The following METTL3 variants were observed in gnomAD, a reference collection of about 807,000 sequenced individuals.
METTL3 encodes methyltransferase 3, N6-adenosine-methyltransferase complex catalytic subunit.
A neutral mutation model predicts 64.3 loss-of-function variants in METTL3; 42 were observed. That is an observed-to-expected ratio of 0.65 (90% CI 0.51 to 0.84). The LOEUF (loss-of-function observed/expected upper bound fraction) is 0.84. METTL3 is among the 40% of genes least tolerant of loss of function. METTL3 has a pLI of 0.00. For missense variants in METTL3, 435 were observed against 722.3 expected (o/e 0.60, Z 4.56); for synonymous variants, 256 against 263.6 (o/e 0.97, Z 0.28).
intron 4 of METTL3, 30 bp from the exon 5 acceptor site, chr14:21,501,159 G>A: frequency 6.5e-7 from 1 of 1,540,234 alleles, no homozygotes; most frequent in Non-Finnish European, 9.0e-7. Context: ...GAATCAAGAT[G>A]GTGCTCCAGA....
chr14:21,500,707 C>G, intron 5 of METTL3, 25 bp from the exon 6 acceptor site: 4 of 1,592,904 alleles, frequency 2.5e-6, no homozygotes, highest in Non-Finnish European at 3.4e-6. Context: ...ATTTGGTCAT[C>G]TTCCCTACTT....
chr14:21,507,214 A>T (rs1891719323), intron 1 of METTL3, among the ~76,000 whole-genome samples: 1 of 151,976 alleles, frequency 6.6e-6, no homozygotes, highest in Non-Finnish European at 1.5e-5. Context: ...TAAATAATAA[A>T]AATGCCAATC....
chr14:21,508,601 AAAG>A (rs1319770630), intron 1 of METTL3, among the ~76,000 whole-genome samples: 1 of 152,196 alleles, frequency 6.6e-6, no homozygotes, highest in African/African-American at 2.4e-5. Context: ...GGAAAAGTAT[AAAG>A]AAGTATGATG....
chr14:21,503,559 G>C lies in METTL3; in HGVS notation c.337C>G (p.Gln113Glu). Residue 113 changes from glutamine (Q) to glutamate (E), a missense_variant, in exon 3 of 11, where the codon CAA becomes GAA. This residue lies in a region of METTL3 where 228 missense variants were observed against 279.6 expected (regional missense o/e 0.82). Transcript: ENST00000298717. ...TGCAGGAGGCTTTCTACCCCATCTT[G>C]AGTGGCAGGAGCATCTGGCTAGAGA... ...AISTPDAPAT[Q>E]DGVESLLQKF... 6.2e-7 allele frequency: 1 copy of C among 1,612,744 alleles called. No homozygotes were observed. Among genetic ancestry groups the C allele is most frequent in the Non-Finnish European group, 8.5e-7 (1 of 1,179,712 alleles).
chr14:21,498,467 A>G (rs576131685), intron 10 of METTL3, 98 bp from the exon 11 acceptor site: 6 of 1,095,834 alleles, frequency 5.5e-6, no homozygotes, highest in East Asian at 2.4e-5. Flanking sequence ...GCCTATCATC[A>G]TATCAAATAT....
chr14:21,506,510 C>T (rs1033233987), intron 1 of METTL3, among the ~76,000 whole-genome samples: 2 of 152,050 alleles, frequency 1.3e-5, no homozygotes, highest in Non-Finnish European at 2.9e-5. Flanking sequence ...GCCGAGATCG[C>T]GCTACTGCAC....
At chr14:21,500,386 T>A in intron 6 of METTL3, 109 bp downstream of exon 6, 4 of 1,077,594 alleles carry the variant, frequency 3.7e-6, no homozygotes, top group Admixed American at 2.2e-5. Context: ...AAAGACTAAA[T>A]CAGTCATACA....
chr14:21,503,153 T>A lies in METTL3; in HGVS notation c.723+20A>T, dbSNP rs1305076330. ...TATAATTAAGAGCATATTGTGAGAGTATTTTCACATGACCCCTACCTTCTT... is the reference window on the plus strand; with the variant it reads ...TATAATTAAGAGCATATTGTGAGAGAATTTTCACATGACCCCTACCTTCTT... On this transcript the variant is annotated intron_variant, in intron 3 of 10. Coordinates refer to ENST00000298717, the MANE Select transcript of METTL3 (RefSeq NM_019852.5). The A allele has an allele frequency of 6.3e-7, 1 of 1,586,500 alleles. No homozygotes were observed. Among genetic ancestry groups the A allele is most frequent in the Admixed American group, 1.8e-5 (1 of 56,794 alleles).
At chr14:21,501,151 A>C (rs1332080966) in intron 4 of METTL3, 22 bp from the exon 5 acceptor site, 2 of 1,564,830 alleles carry the variant, frequency 1.3e-6, no homozygotes, top group African/African-American at 1.4e-5. Flanking sequence ...AAAAGGGAGA[A>C]TCAAGATGGT....
chr14:21,503,952 T>C, intron 1 of METTL3, 71 bp from the exon 2 acceptor site: 1 of 1,375,408 alleles, frequency 7.3e-7, no homozygotes, highest in Non-Finnish European at 1.0e-6. Context: ...AGAAGTCAAA[T>C]TCTCTAGCAT....
intron 1 of METTL3, among the ~76,000 whole-genome samples, chr14:21,509,215 C>G (rs1026434201): frequency 6.6e-6 from 1 of 152,120 alleles, no homozygotes; most frequent in Non-Finnish European, 1.5e-5. Flanking sequence ...TAGCACACGC[C>G]TGTGGCCCCA....
chr14:21,499,873 T>A, intron 6 of METTL3, 71 bp from the exon 7 acceptor site: 1 of 1,413,356 alleles, frequency 7.1e-7, no homozygotes, highest in Non-Finnish European at 1.0e-6. Flanking sequence ...TGTGATGTGT[T>A]AAAAACACTA....
At chr14:21,508,501 A>T (rs1368979383) in intron 1 of METTL3, among the ~76,000 whole-genome samples, 1 of 152,228 alleles carries the variant, frequency 6.6e-6, no homozygotes, top group African/African-American at 2.4e-5. Flanking sequence ...TAATACCAAA[A>T]TGTAGTTAAT....
In METTL3 at chr14:21,503,216, C is replaced by G; in HGVS notation, c.680G>C (p.Ser227Thr). 6.2e-7 allele frequency: 1 copy of G among 1,613,780 alleles called. No individual in the cohort carries two copies. The highest frequency in any genetic ancestry group is 2.2e-5 in the East Asian group (1 of 44,900). The change falls in exon 3 of 11, where the codon AGC becomes ACC. Residue 227 changes from serine to threonine, a missense_variant. Physicochemically the swap from Ser to Thr is moderately conservative, Grantham distance 58. Coordinates refer to ENST00000298717, the MANE Select transcript of METTL3 (RefSeq NM_019852.5). ...AASDVDLEIESLLNQQSTKEQ... is the reference protein window; with the variant it reads ...AASDVDLEIETLLNQQSTKEQ... ...CTTAGTGGACTGTTGGTTCAGAAGG[C>G]TCTCTATCTCCAGATCAACATCTGA...
chr14:21,505,791 G>A (rs1364214780), intron 1 of METTL3, among the ~76,000 whole-genome samples: 1 of 152,060 alleles, frequency 6.6e-6, no homozygotes, highest in Non-Finnish European at 1.5e-5. Context: ...CAATGCCTCC[G>A]CTCTGCTGCA....
Position 21,503,335 on chromosome 14 carries a change from T to C in METTL3, c.561A>G (p.Val187=). Residue 187 remains valine, a synonymous_variant, in exon 3 of 11, where the codon GTA becomes GTG. Coordinates refer to ENST00000298717, the MANE Select transcript of METTL3 (RefSeq NM_019852.5). ...AGACTAACGAACTGGCAAAGGCAGC[T>C]ACTGTAGTCGAGTCCTGTTCTGCAC... ...KRRAEQDSTT[V]AAFASSLVSG... 6.2e-7 allele frequency: 1 copy of C among 1,614,186 alleles called. No homozygotes were observed. Among genetic ancestry groups the C allele is most frequent in the Non-Finnish European group, 8.5e-7 (1 of 1,180,024 alleles).
chr14:21,503,962 T>C (rs2139646127), intron 1 of METTL3, 81 bp from the exon 2 acceptor site: 1 of 1,286,882 alleles, frequency 7.8e-7, no homozygotes. Flanking sequence ...TTCTCTAGCA[T>C]TCCCATACAC....
chr14:21,498,172 G>T lies in METTL3; in HGVS notation c.*86C>A. The stretch of plus-strand genomic sequence containing the variant: ...CAATACAAATGTTTATTTAAATAAA[G>T]AAGAAAGCTATTGTACAAATATCAC... On this transcript the variant is annotated 3_prime_UTR_variant, in exon 11 of 11. Coordinates refer to ENST00000298717, the MANE Select transcript of METTL3 (RefSeq NM_019852.5). 1.3e-6 allele frequency: 1 copy of T among 798,480 alleles called. No homozygotes were observed. Among genetic ancestry groups the T allele is most frequent in the Non-Finnish European group, 2.1e-6 (1 of 473,518 alleles). The allele number at this position is 798,480 out of a possible 1,614,324, so 49.5% of individuals were successfully genotyped here. A position where few individuals can be genotyped will look rare whatever the true frequency, so the allele number is the denominator to read the frequency against.
chr14:21,501,571 A>G (rs558784333), intron 4 of METTL3, 157 bp downstream of exon 4: 11 of 896,014 alleles, frequency 1.2e-5, no homozygotes, highest in African/African-American at 1.7e-5. Flanking sequence ...TTCCCACACA[A>G]TGCACTTCTG....
Sources: allele counts gnomAD v4.1 joint callset (sites outside exome capture counted in the v4.1 genomes callset), GRCh38; gene constraint gnomAD v4.1.1; regional missense constraint gnomAD v4.1.1; transcripts MANE v1.5; gene names NCBI Gene and HGNC (gene_info 2026-07-23, HGNC 2026-07-21).